The following STAC variants were observed in gnomAD, a reference collection of about 807,000 sequenced individuals.
The protein encoded by STAC is SH3 and cysteine-rich domain-containing protein.
STAC carries 43 observed loss-of-function variants against 48.8 expected under a neutral mutation model. That is an observed-to-expected ratio of 0.88 (90% CI 0.69 to 1.14). The LOEUF is 1.14. Among genes scored for constraint, STAC ranks in the 50% most tolerant of loss-of-function variants. The probability of loss-of-function intolerance (pLI) is 0.00; values close to 1 mark genes in which losing one functional copy is unlikely to be tolerated. For synonymous variants in STAC, 193 were observed against 179.5 expected, an observed-to-expected ratio of 1.07 and a Z score of -0.60; for missense variants, 497 against 504.0, an observed-to-expected ratio of 0.99 and a Z score of 0.13.
At chr3:36,393,940 T>C (rs1166395623) in intron 1 of STAC, among the ~76,000 whole-genome samples, 1 of 151,960 alleles carries the variant, frequency 6.6e-6, no homozygotes, top group African/African-American at 2.4e-5. Flanking sequence ...AGTAAGGGCA[T>C]GAGTTGTGTG....
In STAC at chr3:36,493,156, A is replaced by C. The variant is rs760453909; in HGVS notation, c.693A>C (p.Ser231=). ...GSDSPHRTST[S]DLVEVPEEAN... is the part of the protein sequence containing the mutation. ...TCTTTCTTCTTTCCTCCAAGACTTCAGATCTTGTGGAGGTTCCTGAGGAAG... is the reference window on the plus strand; with the variant it reads ...TCTTTCTTCTTTCCTCCAAGACTTCCGATCTTGTGGAGGTTCCTGAGGAAG... Residue 231 remains serine (S), a synonymous_variant, in exon 6 of 11, where the codon TCA becomes TCC. Transcript: ENST00000273183. 72 of 1,612,900 alleles carry C rather than the reference A, an allele frequency of 4.5e-5. No individual in the cohort carries two copies. The highest frequency in any genetic ancestry group is 5.8e-5 in the Non-Finnish European group (68 of 1,179,344).
At chr3:36,482,241 G>A (rs1408228338) in intron 2 of STAC, among the ~76,000 whole-genome samples, 1 of 152,136 alleles carries the variant, frequency 6.6e-6, no homozygotes, top group Non-Finnish European at 1.5e-5. Flanking sequence ...CCGGTGTGCA[G>A]CACCTGCCAT....
intron 6 of STAC, among the ~76,000 whole-genome samples, chr3:36,496,625 G>A (rs1169468789): frequency 6.6e-6 from 1 of 152,158 alleles, no homozygotes; most frequent in African/African-American, 2.4e-5. Context: ...ATGATCCTTG[G>A]CAGGTCTGAG....
At chr3:36,462,512 G>A (rs1697047428) in intron 2 of STAC, among the ~76,000 whole-genome samples, 1 of 152,112 alleles carries the variant, frequency 6.6e-6, no homozygotes, top group Non-Finnish European at 1.5e-5. Context: ...CAGAGAAGAG[G>A]ACCAATGACT....
intron 8 of STAC, among the ~76,000 whole-genome samples, chr3:36,525,848 G>A (rs1374154902): frequency 6.6e-6 from 1 of 152,186 alleles, no homozygotes; most frequent in Non-Finnish European, 1.5e-5. Context: ...GATGTGACAA[G>A]CCTGTTATAT....
intron 1 of STAC, among the ~76,000 whole-genome samples, chr3:36,397,944 TA>T (rs1417033144): frequency 2.0e-5 from 3 of 151,968 alleles, no homozygotes; most frequent in Non-Finnish European, 4.4e-5. Flanking sequence ...CAATTTGTAA[TA>T]CATTATAGTG....
At chr3:36,455,030 C>G (rs1411044983) in intron 2 of STAC, among the ~76,000 whole-genome samples, 1 of 152,072 alleles carries the variant, frequency 6.6e-6, no homozygotes, top group Non-Finnish European at 1.5e-5. Context: ...AAGAAGTGAC[C>G]CACAGAAACA....
intron 2 of STAC, among the ~76,000 whole-genome samples, chr3:36,468,922 G>C (rs974504146): frequency 6.6e-5 from 10 of 151,644 alleles, no homozygotes; most frequent in Admixed American, 1.3e-4. Context: ...GCTCACTTTT[G>C]GTGTCCAATT....
intron 3 of STAC, 88 bp downstream of exon 3, chr3:36,483,180 C>T (rs967745641): frequency 7.0e-6 from 7 of 1,001,242 alleles, no homozygotes; most frequent in Non-Finnish European, 1.1e-5. Flanking sequence ...AAAATCCTTC[C>T]CTGAAACCCT....
chr3:36,449,689 T>C lies in STAC; in HGVS notation c.388+6049T>C, dbSNP rs148659242. ...AAATGAAACAGTAACCCACAATCCT[T>C]CCAGCAAAGATTGAGCAAAAATTGA... On this transcript the variant is annotated intron_variant, in intron 2 of 10. Transcript: ENST00000273183. 5.5e-4 allele frequency among the ~76,000 whole-genome samples: 84 copies of C among 152,304 alleles called. No individual in the cohort carries two copies. In the East Asian group the frequency reaches 0.016, roughly 29 times the overall value.
At chr3:36,508,745 CT>C (rs903047257) in intron 8 of STAC, among the ~76,000 whole-genome samples, 5 of 151,980 alleles carry the variant, frequency 3.3e-5, no homozygotes, top group Non-Finnish European at 7.4e-5. Flanking sequence ...GCAACTCCTG[CT>C]TTTTTTTCTT....
intron 5 of STAC, among the ~76,000 whole-genome samples, chr3:36,492,174 G>A (rs888560824): frequency 8.7e-5 from 13 of 149,440 alleles, no homozygotes; most frequent in African/African-American, 3.2e-4. Context: ...AGTGTGGTAT[G>A]CTAGTAAATG....
chr3:36,400,424 T>A (rs967365735), intron 1 of STAC, among the ~76,000 whole-genome samples: 12 of 152,182 alleles, frequency 7.9e-5, no homozygotes, highest in African/African-American at 2.7e-4. Context: ...CCCATGATTT[T>A]AGGGTTGAGG....
chr3:36,473,580 T>C (rs1396150654), intron 2 of STAC, among the ~76,000 whole-genome samples: 1 of 152,210 alleles, frequency 6.6e-6, no homozygotes, highest in African/African-American at 2.4e-5. Flanking sequence ...AGTGCCTGGT[T>C]CAAAGTCTCA....
intron 8 of STAC, among the ~76,000 whole-genome samples, chr3:36,511,898 C>T (rs962188550): frequency 2.0e-5 from 3 of 152,168 alleles, no homozygotes; most frequent in East Asian, 3.8e-4. Context: ...CTATCAGGAT[C>T]GGTTCCAGCA....
At chr3:36,462,157 A>G (rs1697036822) in intron 2 of STAC, among the ~76,000 whole-genome samples, 1 of 152,134 alleles carries the variant, frequency 6.6e-6, no homozygotes, top group African/African-American at 2.4e-5. Flanking sequence ...TATGGGAAAA[A>G]TAGGAGATGG....
chr3:36,454,299 C>G (rs1696786665), intron 2 of STAC, among the ~76,000 whole-genome samples: 1 of 152,118 alleles, frequency 6.6e-6, no homozygotes, highest in Non-Finnish European at 1.5e-5. Context: ...AGACCACGAG[C>G]CCACCGGGAG....
intron 2 of STAC, among the ~76,000 whole-genome samples, chr3:36,474,837 G>A (rs748943330): frequency 6.6e-6 from 1 of 152,094 alleles, no homozygotes; most frequent in Admixed American, 6.6e-5. Flanking sequence ...ATAAAGCGAG[G>A]AAGCATCCAG....
intron 5 of STAC, among the ~76,000 whole-genome samples, chr3:36,487,741 T>C (rs1697853534): frequency 6.6e-6 from 1 of 152,236 alleles, no homozygotes; most frequent in Non-Finnish European, 1.5e-5. Context: ...ATAATGACTG[T>C]GTCATATGAG....
Sources: allele counts gnomAD v4.1 joint callset (sites outside exome capture counted in the v4.1 genomes callset), GRCh38; gene constraint gnomAD v4.1.1; transcripts MANE v1.5; gene names NCBI Gene and HGNC (gene_info 2026-07-23, HGNC 2026-07-21).